NALF1: variants seen among roughly 807,000 people sequenced by gnomAD.
NALF1 encodes NALCN channel auxiliary factor 1.
NALF1 carries 3 observed loss-of-function variants against 48.4 expected under a neutral mutation model. The ratio of observed to expected loss-of-function variants is 0.06; its 90% confidence interval spans 0.03 to 0.16. The LOEUF is 0.16. Among genes scored for constraint, NALF1 ranks in the 10% least tolerant of loss-of-function variants. NALF1 has a pLI of 1.00. For missense variants in NALF1, 526 were observed against 571.5 expected (o/e 0.92, Z 0.81); for synonymous variants, 262 against 245.7 (o/e 1.07, Z -0.62).
chr13:107,440,884 A>G (rs1033619117), intron 1 of NALF1, among the ~76,000 whole-genome samples: 1 of 152,118 alleles, frequency 6.6e-6, no homozygotes, highest in Non-Finnish European at 1.5e-5. Flanking sequence ...CTTTTTAGTT[A>G]TAATTTTCGG....
intron 1 of NALF1, among the ~76,000 whole-genome samples, chr13:107,845,068 G>C (rs764895857): frequency 3.9e-5 from 6 of 152,138 alleles, no homozygotes; most frequent in Non-Finnish European, 8.8e-5. Flanking sequence ...ATAGGAAAAA[G>C]GCACACTATA....
intron 1 of NALF1, among the ~76,000 whole-genome samples, chr13:107,429,157 C>A (rs1485205026): frequency 6.6e-6 from 1 of 151,824 alleles, no homozygotes; most frequent in East Asian, 1.9e-4. Context: ...ACCCCCCTCT[C>A]TACTGAAATA....
At chr13:107,334,992 T>C (rs577686300) in intron 1 of NALF1, among the ~76,000 whole-genome samples, 4 of 152,172 alleles carry the variant, frequency 2.6e-5, no homozygotes, top group African/African-American at 9.6e-5. Flanking sequence ...ATTTTGAGAG[T>C]TGCCATCAAA....
rs201608856 is a variant in NALF1, at chr13:107,565,103, CA to C, written c.915+300578del. 9.6e-3 allele frequency among the ~76,000 whole-genome samples: 743 copies of C among 77,316 alleles called. 6 individuals are homozygous for C. Among genetic ancestry groups the C allele is most frequent in the African/African-American group, 0.03 (596 of 19,922 alleles). 50.7% of individuals were successfully genotyped at this position (77,316 alleles called of 152,430 possible). A position where few individuals can be genotyped will look rare whatever the true frequency, so the allele number is the denominator to read the frequency against. On this transcript the variant is annotated intron_variant, in intron 1 of 2. Transcript: ENST00000375915. ...AAAAAAACCTAGCATAAGTAAAAGA[CA>C]AAAAAAAAAAACAGACATAAACAAC...
chr13:107,672,909 C>T (rs558178168), intron 1 of NALF1, among the ~76,000 whole-genome samples: 7 of 152,166 alleles, frequency 4.6e-5, no homozygotes, highest in East Asian at 3.9e-4. Context: ...TTTCTCCCCG[C>T]GCCCCCACCG....
At chr13:107,469,564 C>A (rs1046984859) in intron 1 of NALF1, among the ~76,000 whole-genome samples, 2 of 151,994 alleles carry the variant, frequency 1.3e-5, no homozygotes, top group Non-Finnish European at 2.9e-5. Flanking sequence ...TCCTCCTGTA[C>A]ACTTTAAATC....
intron 1 of NALF1, among the ~76,000 whole-genome samples, chr13:107,537,597 C>G (rs566725076): frequency 6.6e-6 from 1 of 152,182 alleles, no homozygotes; most frequent in South Asian, 2.1e-4. Context: ...ACCATCCAGA[C>G]AATAAGAATG....
intron 1 of NALF1, among the ~76,000 whole-genome samples, chr13:107,344,182 T>C (rs932966836): frequency 3.3e-5 from 5 of 151,872 alleles, no homozygotes; most frequent in African/African-American, 1.2e-4. Context: ...ATTAAGAAAA[T>C]TGAATCAGTA....
chr13:107,234,485 A>T (rs1880296801), intron 1 of NALF1, among the ~76,000 whole-genome samples: 2 of 152,204 alleles, frequency 1.3e-5, no homozygotes, highest in African/African-American at 4.8e-5. Context: ...TAAACATCAA[A>T]GACAGGCGGG....
intron 1 of NALF1, among the ~76,000 whole-genome samples, chr13:107,756,435 C>CTATATATATACATA (rs1555323650): frequency 2.1e-5 from 3 of 141,056 alleles, no homozygotes; most frequent in African/African-American, 8.1e-5. Flanking sequence ...AGTTTAATGG[C>CTATATATATACATA]TATATATATA....
At chr13:107,842,927 A>T (rs1433259397) in intron 1 of NALF1, among the ~76,000 whole-genome samples, 8 of 152,086 alleles carry the variant, frequency 5.3e-5, no homozygotes. Context: ...CCCCTTCCCC[A>T]AGAAACTGAT....
chr13:107,438,826 T>TCAAAA (rs1884504816), intron 1 of NALF1, among the ~76,000 whole-genome samples: 1 of 4,984 alleles, frequency 2.0e-4, no homozygotes, highest in Non-Finnish European at 3.9e-4. Flanking sequence ...AGACTCCATC[T>TCAAAA]CAAAAAAAAA....
chr13:107,729,194 A>G (rs1164582126), intron 1 of NALF1, among the ~76,000 whole-genome samples: 1 of 152,156 alleles, frequency 6.6e-6, no homozygotes, highest in Admixed American at 6.5e-5. Context: ...AAAAATGTAT[A>G]AAAATATACT....
At chr13:107,234,710 A>AG (rs1880303859) in intron 1 of NALF1, among the ~76,000 whole-genome samples, 1 of 151,854 alleles carries the variant, frequency 6.6e-6, no homozygotes, top group African/African-American at 2.4e-5. Flanking sequence ...GCTTAGAAAA[A>AG]AAAACCAAAA....
intron 1 of NALF1, among the ~76,000 whole-genome samples, chr13:107,390,496 C>T (rs1041967402): frequency 1.3e-5 from 2 of 151,780 alleles, no homozygotes; most frequent in African/African-American, 4.8e-5. Context: ...GATGCAAAAG[C>T]CAAAAACATT....
At chr13:107,460,432 G>A (rs1884899424) in intron 1 of NALF1, among the ~76,000 whole-genome samples, 1 of 152,210 alleles carries the variant, frequency 6.6e-6, no homozygotes, top group Admixed American at 6.5e-5. Flanking sequence ...GACATTCCAG[G>A]TATTATTCTC....
intron 1 of NALF1, among the ~76,000 whole-genome samples, chr13:107,400,171 C>T (rs1009396499): frequency 6.6e-6 from 1 of 151,954 alleles, no homozygotes; most frequent in Non-Finnish European, 1.5e-5. Flanking sequence ...ATTTAGAATG[C>T]AATCAGGCAT....
chr13:107,750,666 A>C (rs1164159423), intron 1 of NALF1, among the ~76,000 whole-genome samples: 1 of 152,194 alleles, frequency 6.6e-6, no homozygotes, highest in Non-Finnish European at 1.5e-5. Context: ...ACAGTACGCT[A>C]CAGTCACTTA....
intron 1 of NALF1, among the ~76,000 whole-genome samples, chr13:107,747,445 T>A (rs374768760): frequency 2.6e-5 from 4 of 152,196 alleles, no homozygotes; most frequent in African/African-American, 9.6e-5. Context: ...CTTTAGTTTT[T>A]CTTAATTCTA....
Sources: gnomAD v4.1 joint callset for allele counts (sites outside exome capture counted in the v4.1 genomes callset) on GRCh38, gnomAD v4.1.1 for gene constraint, MANE v1.5 for transcripts, NCBI Gene and HGNC (gene_info 2026-07-23, HGNC 2026-07-21) for gene names.